The following VPS13C variants were observed in gnomAD, a reference collection of about 807,000 sequenced individuals.
VPS13C encodes vacuolar protein sorting 13 homolog C.
In VPS13C, 358 loss-of-function variants were observed where a neutral mutation model predicts 456.8. The observed-to-expected ratio is 0.78, with a 90% CI of 0.72 to 0.86. The LOEUF (loss-of-function observed/expected upper bound fraction) is 0.86. VPS13C is among the 40% of genes least tolerant of loss of function. VPS13C has a pLI of 0.00. For synonymous variants in VPS13C, 1,578 were observed against 1,486.7 expected, an observed-to-expected ratio of 1.06 and a Z score of -1.41; for missense variants, 4,818 against 4,385.4, an observed-to-expected ratio of 1.10 and a Z score of -2.79.
intron 15 of VPS13C, among the ~76,000 whole-genome samples, chr15:62,005,781 C>T (rs2046814625): frequency 6.6e-6 from 1 of 151,946 alleles, no homozygotes; most frequent in Non-Finnish European, 1.5e-5. Context: ...GGGCTCACTG[C>T]AACCTCCAGC....
At chr15:61,907,184 C>T (rs1184803311) in intron 66 of VPS13C, 80 bp downstream of exon 66, 7 of 1,596,088 alleles carry the variant, frequency 4.4e-6, no homozygotes, top group African/African-American at 1.3e-5. Context: ...TCAATTAGGA[C>T]AAGGAGTCAG....
At chr15:61,950,458 T>A in intron 40 of VPS13C, 41 bp from the exon 41 acceptor site, 1 of 1,414,834 alleles carries the variant, frequency 7.1e-7, no homozygotes, top group Non-Finnish European at 9.9e-7. Flanking sequence ...TTTCAAACAC[T>A]AAAAATTCAT....
intron 5 of VPS13C, among the ~76,000 whole-genome samples, chr15:62,029,856 A>G (rs1280331316): frequency 2.0e-5 from 3 of 152,144 alleles, no homozygotes; most frequent in Non-Finnish European, 2.9e-5. Context: ...ACACAAAGAC[A>G]TTCAGCCTTA....
intron 29 of VPS13C, among the ~76,000 whole-genome samples, 181 bp from the exon 30 acceptor site, chr15:61,966,323 A>G (rs934680155): frequency 1.5e-4 from 23 of 151,678 alleles, no homozygotes; most frequent in African/African-American, 5.3e-4. Flanking sequence ...TAATAGTGCA[A>G]ATGTGTTCTC....
rs762862683 is a variant in VPS13C at position 62,008,701 on chromosome 15, T to C, written c.1072A>G (p.Arg358Gly). The C allele has an allele frequency of 6.2e-7, 1 of 1,609,188 alleles. No individual in the cohort carries two copies. Among genetic ancestry groups the C allele is most frequent in the Admixed American group, 1.7e-5 (1 of 59,690 alleles). ...AGTGGTAAATAAGGCTTGTATTTCC[T>C]ATAAGGCGCATTCCTAACCATATAA... ...VDYMVRNAPYRKYKPYLPLHT... is the reference protein window; with the variant it reads ...VDYMVRNAPYGKYKPYLPLHT... Residue 358 changes from arginine (R) to glycine (G), a missense_variant, in exon 14 of 85, where the codon AGG becomes GGG. Transcript: ENST00000644861.
Position 61,878,646 on chromosome 15 carries a change from A to T in VPS13C, c.10103T>A (p.Ile3368Lys). The T allele has an allele frequency of 6.2e-7, 1 of 1,611,606 alleles. No individual in the cohort carries two copies. ...VHSVNLLLKS[I>K]GATLTDVDDL... ...ATCCACATCAGTCAGAGTAGCACCT[A>T]TGCTTTTCAACAGCAAGTTGACAGA... The change falls in exon 74 of 85, where the codon ATA (isoleucine) becomes AAA (lysine). Residue 3368 changes from isoleucine (I) to lysine (K), a missense_variant. Ile to Lys is a moderately radical substitution (Grantham distance 102). Coordinates refer to ENST00000644861, the MANE Select transcript of VPS13C (RefSeq NM_020821.3).
intron 82 of VPS13C, 26 bp from the exon 83 acceptor site, chr15:61,856,435 T>A (rs1369532323): frequency 6.2e-7 from 1 of 1,609,488 alleles, no homozygotes; most frequent in Non-Finnish European, 8.5e-7. Context: ...AAACAAAAAC[T>A]TACAGTAAAT....
intron 53 of VPS13C, among the ~76,000 whole-genome samples, chr15:61,924,163 G>A (rs984200823): frequency 1.3e-5 from 2 of 152,232 alleles, no homozygotes; most frequent in Middle Eastern, 3.4e-3. Flanking sequence ...CACCGCGCCC[G>A]GCCACCCCTC....
At chr15:61,865,765 C>CGT (rs933988247) in intron 81 of VPS13C, 10 of 682,178 alleles carry the variant, frequency 1.5e-5, no homozygotes, top group Non-Finnish European at 1.8e-5. Flanking sequence ...CATATATGTA[C>CGT]GTGTGTATAT....
At chr15:62,017,358 C>T (rs1382048684) in intron 9 of VPS13C, among the ~76,000 whole-genome samples, 4 of 152,192 alleles carry the variant, frequency 2.6e-5, no homozygotes, top group Admixed American at 6.5e-5. Context: ...GAAGTCCTTG[C>T]CCATGCCTAT....
At chr15:61,887,280 A>T (rs780842086) in intron 67 of VPS13C, among the ~76,000 whole-genome samples, 5 of 152,218 alleles carry the variant, frequency 3.3e-5, no homozygotes, top group Non-Finnish European at 7.3e-5. Flanking sequence ...AAAACAGAAT[A>T]CCATTTACAT....
rs2140047044 is a variant in VPS13C, at chr15:61,882,690, C to T, written c.9530G>A (p.Ser3177Asn). ...TGATAAAAAGTCTCGTTTAATAGGG[C>T]TACGAATAGGGAGGCGCATTTCCAT... ...DPMEMRLPIR[S>N]PIKRDFLSGI... is the part of the protein sequence containing the mutation. The change falls in exon 69 of 85, where the codon AGC (serine) becomes AAC (asparagine). Residue 3177 changes from serine to asparagine, a missense_variant. Ser to Asn is a conservative substitution (Grantham distance 46). Transcript: ENST00000644861. 1.3e-6 allele frequency: 2 copies of T among 1,596,914 alleles called. No individual in the cohort carries two copies. Among genetic ancestry groups the T allele is most frequent in the Non-Finnish European group, 1.7e-6 (2 of 1,172,168 alleles).
In VPS13C at chr15:61,876,969, T is replaced by C. The variant is rs1895470257; in HGVS notation, c.10224+4A>G. 6.3e-7 allele frequency: 1 copy of C among 1,592,886 alleles called. No homozygotes were observed. The highest frequency in any genetic ancestry group is 8.6e-7 in the Non-Finnish European group (1 of 1,167,022). Reference sequence around the variant, plus strand: ...CCTTATGAAATACTATGATAGGAAATTACCTGTTCACTGTAATGCCTAACA... The same window carrying C: ...CCTTATGAAATACTATGATAGGAAACTACCTGTTCACTGTAATGCCTAACA... On this transcript the variant is annotated splice_donor_region_variant and intron_variant, in intron 75 of 84. Transcript: ENST00000644861.
At chr15:62,033,598 C>T (rs1042144960) in intron 4 of VPS13C, 56 bp from the exon 5 acceptor site, 90 of 1,293,126 alleles carry the variant, frequency 7.0e-5, no homozygotes, top group Non-Finnish European at 8.2e-5. Flanking sequence ...AATAAACAAA[C>T]GGAAAAAGTT....
At position 61,917,337 on chromosome 15, in the gene VPS13C, A is replaced by G; in HGVS notation, c.8055+4T>C. 6.2e-7 allele frequency: 1 copy of G among 1,610,350 alleles called. No individual in the cohort carries two copies. The highest frequency in any genetic ancestry group is 1.1e-5 in the South Asian group (1 of 90,844). ...AAAAATCAAACAAAATGCAAGAGAC[A>G]TACCTCAAGTAAATATCTTAGGGAA... On this transcript the variant is annotated splice_donor_region_variant and intron_variant, in intron 60 of 84. Transcript: ENST00000644861.
Position 61,868,709 on chromosome 15 carries a change from T to C in VPS13C, c.10813A>G (p.Ile3605Val), listed in dbSNP as rs1482957037. Residue 3605 changes from isoleucine (I) to valine (V), a missense_variant, in exon 81 of 85, where the codon ATC (isoleucine) becomes GTC (valine). Ile to Val is a conservative substitution (Grantham distance 29, BLOSUM62 3). Around this residue, in one of 3 missense-constraint regions of VPS13C, gnomAD observed 261 missense variants for 234.1 expected, o/e 1.11. Coordinates refer to ENST00000644861, the MANE Select transcript of VPS13C (RefSeq NM_020821.3). ...RPPRLIHEDG[I>V]IRPYDRQESE... is the part of the protein sequence containing the mutation. ...TCCTGTCTGTCATAAGGACGAATGA[T>C]GCCATCTTCATGGATCAGGCGAGGG... 1 of 1,614,154 alleles carries C rather than the reference T, an allele frequency of 6.2e-7. No homozygotes were observed. Among genetic ancestry groups the C allele is most frequent in the Non-Finnish European group, 8.5e-7 (1 of 1,180,028 alleles).
chr15:61,969,194 G>C, intron 28 of VPS13C, 105 bp downstream of exon 28: 1 of 829,976 alleles, frequency 1.2e-6, no homozygotes, highest in South Asian at 2.0e-5. Flanking sequence ...GCTTACAACA[G>C]TGTAGCTATT....
rs761075287 is a variant in VPS13C at position 61,972,682 on chromosome 15, A to C, written c.2700T>G (p.Ala900=). Residue 900 remains alanine, a synonymous_variant, in exon 27 of 85, where the codon GCT becomes GCG. Coordinates refer to ENST00000644861, the MANE Select transcript of VPS13C (RefSeq NM_020821.3). ...KSMKGSELKK[A]AEVPNEELIN... ...TGAGCTCCTCATTTGGGACCTCTGC[A>C]GCTTTTTTAAGTTCTGATCCTTTCA... is the stretch of plus-strand genomic sequence containing the variant. 6.2e-7 allele frequency: 1 copy of C among 1,613,556 alleles called. No individual in the cohort carries two copies. The highest frequency in any genetic ancestry group is 1.1e-5 in the South Asian group (1 of 91,058).
Position 61,915,866 on chromosome 15 carries a change from G to A in VPS13C, c.8212C>T (p.Pro2738Ser), listed in dbSNP as rs374184002. 3.1e-6 allele frequency: 5 copies of A among 1,613,900 alleles called. No homozygotes were observed. Among genetic ancestry groups the A allele is most frequent in the Non-Finnish European group, 4.2e-6 (5 of 1,180,004 alleles). The stretch of plus-strand genomic sequence containing the variant: ...GTGGAGTCAGAAGAAAAACACACAG[G>A]AAAGAATTCTGGTAGTGTATCACGT... ...RIRDTLPEFF[P>S]VCFSSDSTEV... Residue 2738 changes from proline to serine, a missense_variant, in exon 61 of 85, where the codon CCT becomes TCT. Physicochemically the swap from Pro to Ser is moderately conservative, Grantham distance 74 (BLOSUM62 -1). Transcript: ENST00000644861.
Sources: gnomAD v4.1 joint callset for allele counts (sites outside exome capture counted in the v4.1 genomes callset) on GRCh38, gnomAD v4.1.1 for gene constraint, gnomAD v4.1.1 regional missense constraint, MANE v1.5 for transcripts, NCBI Gene and HGNC (gene_info 2026-07-23, HGNC 2026-07-21) for gene names.